The following NEK7 variants were observed in gnomAD, a reference collection of about 807,000 sequenced individuals.
The protein encoded by NEK7 is serine/threonine-protein kinase Nek7.
Under a neutral mutation model 44.6 loss-of-function variants are expected in NEK7, and 18 were observed. That is an observed-to-expected ratio of 0.40 (90% CI 0.28 to 0.60). The LOEUF is 0.60. Ranked by LOEUF, NEK7 falls within the 20% of genes least tolerant of loss-of-function variation. The pLI, the probability that NEK7 is intolerant of heterozygous loss-of-function variation, is 0.38. For missense variants in NEK7, 256 were observed against 366.5 expected (o/e 0.70, Z 2.46); for synonymous variants, 130 against 121.1 (o/e 1.07, Z -0.48).
chr1:198,217,626 T>G (rs1467141366), intron 1 of NEK7, among the ~76,000 whole-genome samples: 3 of 151,794 alleles, frequency 2.0e-5, no homozygotes, highest in Admixed American at 1.3e-4. Context: ...ACATCCAAAT[T>G]GGAAAAGAGG....
At chr1:198,219,291 A>G (rs1394929497) in intron 1 of NEK7, among the ~76,000 whole-genome samples, 1 of 149,710 alleles carries the variant, frequency 6.7e-6, no homozygotes, top group East Asian at 1.9e-4. Context: ...ATATATAATT[A>G]ATATATTAAA....
chr1:198,187,528 A>T (rs1429477809), intron 1 of NEK7, among the ~76,000 whole-genome samples: 1 of 152,118 alleles, frequency 6.6e-6, no homozygotes, highest in Non-Finnish European at 1.5e-5. Context: ...AGATAAACTG[A>T]TCTTAATTTT....
intron 9 of NEK7, among the ~76,000 whole-genome samples, chr1:198,304,139 T>A (rs1298945845): frequency 2.0e-5 from 3 of 152,174 alleles, no homozygotes; most frequent in Non-Finnish European, 4.4e-5. Flanking sequence ...TGCTCCTTGA[T>A]GACATGAATC....
intron 2 of NEK7, among the ~76,000 whole-genome samples, chr1:198,239,951 G>A (rs1034989967): frequency 6.6e-6 from 1 of 152,142 alleles, no homozygotes; most frequent in South Asian, 2.1e-4. Context: ...TATACTGTAG[G>A]CAGTTGTAAC....
intron 8 of NEK7, among the ~76,000 whole-genome samples, chr1:198,296,519 CAT>C (rs1230844173): frequency 6.6e-6 from 1 of 152,198 alleles, no homozygotes; most frequent in Admixed American, 6.5e-5. Flanking sequence ...AGCTATGACT[CAT>C]AGAGCTTTTG....
chr1:198,293,877 A>T (rs1180170166), intron 8 of NEK7, among the ~76,000 whole-genome samples: 1 of 151,938 alleles, frequency 6.6e-6, no homozygotes, highest in African/African-American at 2.4e-5. Context: ...AATCATTTTC[A>T]TATCTCTGTG....
In NEK7 at chr1:198,303,243, CA is replaced by C. The variant is rs1207795451; in HGVS notation, c.798+6010del. On this transcript the variant is annotated intron_variant, in intron 9 of 9. Coordinates refer to ENST00000367385, the MANE Select transcript of NEK7 (RefSeq NM_133494.3). ...ATATGTTGATCCATAATATATTGAACAAAAAAAGTTACAGTTTGTCATAATT... is the reference window on the plus strand; with the variant it reads ...ATATGTTGATCCATAATATATTGAACAAAAAAGTTACAGTTTGTCATAATT... Among the ~76,000 whole-genome samples, 5 of 151,598 alleles carry C rather than the reference CA, an allele frequency of 3.3e-5. 1 individual carries two copies. Among genetic ancestry groups the C allele is most frequent in the Non-Finnish European group, 7.4e-5 (5 of 67,864 alleles).
intron 5 of NEK7, among the ~76,000 whole-genome samples, chr1:198,269,380 G>A (rs1653766249): frequency 6.6e-6 from 1 of 151,960 alleles, no homozygotes; most frequent in African/African-American, 2.4e-5. Flanking sequence ...GTGGGGTTGG[G>A]TAGTTAAGAA....
intron 9 of NEK7, among the ~76,000 whole-genome samples, chr1:198,308,634 G>A (rs926161428): frequency 6.6e-6 from 1 of 152,202 alleles, no homozygotes; most frequent in Non-Finnish European, 1.5e-5. Context: ...CACGACTCAT[G>A]ATTTCTCCCT....
chr1:198,192,281 C>T (rs1416231782), intron 1 of NEK7, among the ~76,000 whole-genome samples: 1 of 142,004 alleles, frequency 7.0e-6, no homozygotes, highest in Non-Finnish European at 1.6e-5. Context: ...TGCTTTCTCC[C>T]TTTTTTTTTT....
intron 1 of NEK7, among the ~76,000 whole-genome samples, chr1:198,178,682 A>ATTT (rs199526485): frequency 3.6e-4 from 55 of 151,656 alleles, no homozygotes; most frequent in Middle Eastern, 6.8e-3. Context: ...TCTCCCTGCC[A>ATTT]TTTTTTGTTG....
At chr1:198,227,433 G>A (rs1483305527) in intron 1 of NEK7, among the ~76,000 whole-genome samples, 5 of 152,100 alleles carry the variant, frequency 3.3e-5, no homozygotes, top group Admixed American at 6.6e-5. Flanking sequence ...AGATCCCTGA[G>A]GAATCGCCAC....
At chr1:198,292,892 C>A in intron 7 of NEK7, 53 bp from the exon 8 acceptor site, 1 of 940,816 alleles carries the variant, frequency 1.1e-6, no homozygotes. Context: ...CTGACCACAG[C>A]TGTATCTTTA....
At chr1:198,250,307 G>T (rs879357542) in intron 2 of NEK7, among the ~76,000 whole-genome samples, 10,859 of 92,174 alleles carry the variant, frequency 0.12, no homozygotes, top group African/African-American at 0.13. Flanking sequence ...TTGAAGTCAG[G>T]TAGTGTGATG....
At chr1:198,261,766 T>C (rs560140236) in intron 3 of NEK7, among the ~76,000 whole-genome samples, 15 of 151,986 alleles carry the variant, frequency 9.9e-5, no homozygotes, top group African/African-American at 3.4e-4. Flanking sequence ...ATCTTTTTGA[T>C]TGTATTTTTT....
intron 7 of NEK7, among the ~76,000 whole-genome samples, chr1:198,282,193 G>A (rs1169924011): frequency 6.6e-6 from 1 of 151,982 alleles, no homozygotes; most frequent in Non-Finnish European, 1.5e-5. Flanking sequence ...TTTTGTTTCT[G>A]ATATTTTTCT....
At chr1:198,228,946 C>A (rs533135803) in intron 1 of NEK7, among the ~76,000 whole-genome samples, 22 of 152,180 alleles carry the variant, frequency 1.4e-4, no homozygotes, top group Middle Eastern at 3.4e-3. Flanking sequence ...GTCTTGTGCC[C>A]GTTTTCAAAG....
chr1:198,246,122 A>C (rs1571567759), intron 2 of NEK7, among the ~76,000 whole-genome samples: 1 of 152,250 alleles, frequency 6.6e-6, no homozygotes, highest in South Asian at 2.1e-4. Context: ...GAAGTATGGC[A>C]TTGAAAACAA....
chr1:198,208,122 C>T (rs1487090598), intron 1 of NEK7, among the ~76,000 whole-genome samples: 5 of 152,150 alleles, frequency 3.3e-5, no homozygotes, highest in African/African-American at 4.8e-5. Context: ...ATATCTTTAG[C>T]CTTCTATCTG....
Sources: gnomAD v4.1 joint callset for allele counts (sites outside exome capture counted in the v4.1 genomes callset) on GRCh38, gnomAD v4.1.1 for gene constraint, MANE v1.5 for transcripts, NCBI Gene and HGNC (gene_info 2026-07-23, HGNC 2026-07-21) for gene names.